The following SIPA1L2 variants were observed in gnomAD, a reference collection of about 807,000 sequenced individuals.
The protein encoded by SIPA1L2 is signal-induced proliferation-associated 1-like protein 2.
SIPA1L2 carries 56 observed loss-of-function variants against 163.9 expected under a neutral mutation model. The observed-to-expected ratio is 0.34, with a 90% CI of 0.28 to 0.43. The LOEUF (loss-of-function observed/expected upper bound fraction) is 0.43, where lower values mean the gene tolerates loss of function less well. Among genes scored for constraint, SIPA1L2 ranks in the 20% least tolerant of loss-of-function variants. The pLI, the probability that SIPA1L2 is intolerant of heterozygous loss-of-function variation, is 1.00. For synonymous variants in SIPA1L2, 877 were observed against 865.7 expected (o/e 1.01, Z -0.23); for missense variants, 1,974 against 2,193.5 (o/e 0.90, Z 2.00).
chr1:232,550,590 C>T (rs1028149096), intron 2 of SIPA1L2, among the ~76,000 whole-genome samples: 3 of 152,216 alleles, frequency 2.0e-5, no homozygotes, highest in Non-Finnish European at 2.9e-5. Context: ...ATAATTGTGG[C>T]TGTTTTTGCT....
At position 232,443,708 on chromosome 1, in the gene SIPA1L2, T is replaced by C. The variant is rs778788182; in HGVS notation, c.3354-23A>G. On this transcript the variant is annotated intron_variant, in intron 11 of 22. Transcript: ENST00000674635. ...CTTCTGAAAGGTTGAGTAGAATCAT[T>C]AACAGGGCACTGAACTATCTGCCAA... 3.1e-6 allele frequency: 5 copies of C among 1,597,976 alleles called. No individual in the cohort carries two copies. The Admixed American group carries it at 8.6e-5, about 27-fold the overall frequency.
chr1:232,578,260 GA>G lies in SIPA1L2; in HGVS notation c.-318-4039del, dbSNP rs11341816. ...GTAACTGTAACTTTTAAATGCACTGGAAAAAAAAAAAATCTGTGTGACTTGC... is the reference window on the plus strand; with the variant it reads ...GTAACTGTAACTTTTAAATGCACTGGAAAAAAAAAAATCTGTGTGACTTGC... On this transcript the variant is annotated intron_variant, in intron 1 of 22. Transcript: ENST00000674635. Among the ~76,000 whole-genome samples, 1,408 of 145,854 alleles carry G rather than the reference GA, an allele frequency of 9.7e-3. 26 individuals carry two copies. The highest frequency in any genetic ancestry group is 0.031 in the Admixed American group (448 of 14,674).
At chr1:232,488,540 A>C (rs569322842) in intron 5 of SIPA1L2, among the ~76,000 whole-genome samples, 2 of 152,304 alleles carry the variant, frequency 1.3e-5, no homozygotes, top group East Asian at 3.9e-4. Flanking sequence ...AGTTTTAGGG[A>C]GTTAAAATGG....
chr1:232,409,641 A>G (rs1224464772), intron 19 of SIPA1L2, among the ~76,000 whole-genome samples: 1 of 152,192 alleles, frequency 6.6e-6, no homozygotes, highest in Non-Finnish European at 1.5e-5. Flanking sequence ...GTGAATAAAT[A>G]TAACTACTCT....
In SIPA1L2 at chr1:232,465,272, C is replaced by T. The variant is rs1243974765; in HGVS notation, c.2388G>A (p.Lys796=). Residue 796 remains lysine (K), a synonymous_variant, in exon 9 of 23, where the codon AAG becomes AAA. Coordinates refer to ENST00000674635, the MANE Select transcript of SIPA1L2 (RefSeq NM_020808.5). The surrounding 1 kb of genome is among the most constrained non-coding windows in gnomAD (Gnocchi z 4.1). ...NAENAAHKSE[K]FRAMATRTRQ... is the part of the protein sequence containing the mutation. ...TCGTTCGAGTGGCCATTGCTCGAAA[C>T]TTTTCTGATTTATGGGCTGCATTTT... 6.8e-6 allele frequency: 11 copies of T among 1,614,048 alleles called. No homozygotes were observed. Among genetic ancestry groups the T allele is most frequent in the Non-Finnish European group, 9.3e-6 (11 of 1,180,028 alleles).
At chr1:232,538,332 C>A (rs1257560603) in intron 2 of SIPA1L2, among the ~76,000 whole-genome samples, 1 of 152,162 alleles carries the variant, frequency 6.6e-6, no homozygotes, top group East Asian at 1.9e-4. Flanking sequence ...CCTAACCCTA[C>A]AAACACCCAC....
chr1:232,440,263 G>A lies in SIPA1L2; in HGVS notation c.3643-767C>T, dbSNP rs568701918. 1.4e-4 allele frequency among the ~76,000 whole-genome samples: 21 copies of A among 152,298 alleles called. No individual in the cohort carries two copies. In the South Asian group the frequency reaches 4.1e-3, roughly 30 times the overall value. On this transcript the variant is annotated intron_variant, in intron 14 of 22. Coordinates refer to ENST00000674635, the MANE Select transcript of SIPA1L2 (RefSeq NM_020808.5). ...CATACAGACACGGCCTCTCTTCACA[G>A]TCTGGGAAAAGCAACAAGATCTGAA...
intron 5 of SIPA1L2, among the ~76,000 whole-genome samples, chr1:232,489,507 TA>T (rs1665820768): frequency 6.6e-6 from 1 of 152,088 alleles, no homozygotes; most frequent in African/African-American, 2.4e-5. Context: ...TTTTTTTTTT[TA>T]ATATGTCAGC....
chr1:232,409,379 A>G (rs938482676), intron 19 of SIPA1L2, among the ~76,000 whole-genome samples: 11 of 152,194 alleles, frequency 7.2e-5, no homozygotes, highest in South Asian at 2.1e-4. Flanking sequence ...TCTTACTGAT[A>G]TATCTAAGGT....
chr1:232,622,676 C>A (rs1416063076), intron 1 of SIPA1L2, among the ~76,000 whole-genome samples: 1 of 152,178 alleles, frequency 6.6e-6, no homozygotes, highest in Non-Finnish European at 1.5e-5. Context: ...CTATAAAGTT[C>A]TTGATGTAAC....
At chr1:232,545,206 T>C (rs952262087) in intron 2 of SIPA1L2, among the ~76,000 whole-genome samples, 1 of 152,274 alleles carries the variant, frequency 6.6e-6, no homozygotes, top group African/African-American at 2.4e-5. Context: ...TAAACTCTTC[T>C]ACAAGGTTCC....
intron 2 of SIPA1L2, among the ~76,000 whole-genome samples, chr1:232,517,307 G>A (rs1667260599): frequency 6.6e-6 from 1 of 152,086 alleles, no homozygotes; most frequent in Non-Finnish European, 1.5e-5. Context: ...TGAAATACCA[G>A]TATCTGTACA....
rs1667143714 is a variant in SIPA1L2 at position 232,514,717 on chromosome 1, A to G, written c.623T>C (p.Phe208Ser). ...IDRQGLSGEN[F>S]FAMLRGYRVE... ...TCGGTACCCTCTGAGCATAGCAAAA[A>G]AGTTTTCACCAGATAAGCCTTGCCT... The change falls in exon 3 of 23, where the codon TTT becomes TCT. Residue 208 changes from phenylalanine (F) to serine (S), a missense_variant. This residue lies in a region of SIPA1L2 where 607 missense variants were observed against 624.0 expected (regional missense o/e 0.97). Coordinates refer to ENST00000674635, the MANE Select transcript of SIPA1L2 (RefSeq NM_020808.5). 1 of 1,614,054 alleles carries G rather than the reference A, an allele frequency of 6.2e-7. No individual in the cohort carries two copies.
chr1:232,442,730 G>A (rs1030264725), intron 12 of SIPA1L2, among the ~76,000 whole-genome samples: 1 of 151,984 alleles, frequency 6.6e-6, no homozygotes, highest in Non-Finnish European at 1.5e-5. Context: ...AGCCAGAAAA[G>A]GTTTTACTGT....
chr1:232,480,355 T>A (rs1438097571), intron 6 of SIPA1L2, among the ~76,000 whole-genome samples: 1 of 152,212 alleles, frequency 6.6e-6, no homozygotes, highest in African/African-American at 2.4e-5. Context: ...AGTACATTGA[T>A]ACATCCCATG....
rs142160799 is a variant in SIPA1L2 at position 232,484,556 on chromosome 1, C to T, written c.1807-590G>A. Among the ~76,000 whole-genome samples the T allele has an allele frequency of 6.2e-4, 94 of 152,234 alleles. 1 individual carries two copies. In the East Asian group the frequency reaches 0.017, roughly 28 times the overall value. ...GCCATAAAAAAGTAACTCTGGCTTACGATTACATTCATTTGTTACATTTTT... is the reference window on the plus strand; with the variant it reads ...GCCATAAAAAAGTAACTCTGGCTTATGATTACATTCATTTGTTACATTTTT... On this transcript the variant is annotated intron_variant, in intron 5 of 22. Transcript: ENST00000674635.
intron 9 of SIPA1L2, 68 bp from the exon 10 acceptor site, chr1:232,461,229 G>A: frequency 1.3e-6 from 2 of 1,562,408 alleles, no homozygotes; most frequent in South Asian, 1.2e-5. Flanking sequence ...TGCCAAAGGT[G>A]CACGTATGGG....
intron 2 of SIPA1L2, among the ~76,000 whole-genome samples, chr1:232,558,371 C>T (rs1219747331): frequency 6.6e-6 from 1 of 152,146 alleles, no homozygotes; most frequent in Non-Finnish European, 1.5e-5. Context: ...AATTGTTCAA[C>T]TCACTTCTCT....
intron 9 of SIPA1L2, 49 bp from the exon 10 acceptor site, chr1:232,461,210 A>G: frequency 6.3e-7 from 1 of 1,588,038 alleles, no homozygotes; most frequent in Non-Finnish European, 8.6e-7. Flanking sequence ...CCAAGCTGCC[A>G]TGGGGCTCTG....
Sources: allele counts gnomAD v4.1 joint callset (sites outside exome capture counted in the v4.1 genomes callset), GRCh38; gene constraint gnomAD v4.1.1; regional missense constraint gnomAD v4.1.1; non-coding constraint Gnocchi (gnomAD v3.1); transcripts MANE v1.5; gene names NCBI Gene and HGNC (gene_info 2026-07-23, HGNC 2026-07-21).